Variants in ERMAP observed in about 807,000 individuals in gnomAD.
ERMAP encodes the protein erythroid membrane-associated protein.
ERMAP carries 34 observed loss-of-function variants against 49.5 expected under a neutral mutation model. That is an observed-to-expected ratio of 0.69 (90% confidence interval 0.52 to 0.91). The LOEUF is 0.91. Among genes scored for constraint, ERMAP ranks in the 40% least tolerant of loss-of-function variants. ERMAP has a pLI of 0.00. For missense variants in ERMAP, 541 were observed against 582.6 expected, an observed-to-expected ratio of 0.93 and a Z score of 0.74; for synonymous variants, 214 against 232.2, an observed-to-expected ratio of 0.92 and a Z score of 0.71.
intron 1 of ERMAP, among the ~76,000 whole-genome samples, chr1:42,821,004 T>G (rs1334099325): frequency 3.3e-5 from 5 of 152,212 alleles, no homozygotes; most frequent in Admixed American, 3.3e-4. Context: ...GAATCAGCTT[T>G]CTTCTTGCTG....
rs772463784 is a variant in ERMAP, at chr1:42,839,022, T to A, written c.637+101T>A. The A allele has an allele frequency of 8.2e-6, 13 of 1,593,252 alleles. No individual in the cohort carries two copies. The South Asian group carries it at 1.4e-4, about 18-fold the overall frequency. On this transcript the variant is annotated intron_variant, in intron 8 of 11. Transcript: ENST00000372517. ...ACTTCCTGGGGCAGAAGGGAGGGGG[T>A]ACTGGTAATTCAAGCCATGGGGACT... is the stretch of plus-strand genomic sequence containing the variant.
intron 1 of ERMAP, among the ~76,000 whole-genome samples, chr1:42,822,744 T>C (rs967215656): frequency 2.0e-5 from 3 of 152,178 alleles, no homozygotes; most frequent in Admixed American, 2.0e-4. Context: ...TTTTGTGTTA[T>C]TGAACAAATC....
chr1:42,835,773 T>G lies in ERMAP; in HGVS notation c.583+9T>G, dbSNP rs1654877592. ...ACATGTGACGGAGGTGGGTAAGTGT[T>G]CTTGGCTGGGGGGCAGGGGAGATGT... On this transcript the variant is annotated intron_variant, in intron 6 of 11. Coordinates refer to ENST00000372517, the MANE Select transcript of ERMAP (RefSeq NM_001017922.2). 6.2e-7 allele frequency: 1 copy of G among 1,607,978 alleles called. No individual in the cohort carries two copies. The highest frequency in any genetic ancestry group is 1.3e-5 in the African/African-American group (1 of 74,698).
Position 42,844,280 on chromosome 1 carries a change from T to C in ERMAP, c.*1048T>C. 2.5e-6 allele frequency: 1 copy of C among 396,422 alleles called. No homozygotes were observed. The highest frequency in any genetic ancestry group is 4.4e-6 in the Non-Finnish European group (1 of 225,160). The allele number at this position is 396,422 out of a possible 1,614,324, so 24.6% of individuals were successfully genotyped here. A position where few individuals can be genotyped will look rare whatever the true frequency, so the allele number is the denominator to read the frequency against. The stretch of plus-strand genomic sequence containing the variant: ...ATGACCTTGATTTTTGGGTGTGTAT[T>C]GCAGAAGCCTCGTCGCTTTCAAGTC... On this transcript the variant is annotated 3_prime_UTR_variant, in exon 12 of 12. Coordinates refer to ENST00000372517, the MANE Select transcript of ERMAP (RefSeq NM_001017922.2). This position sits in a 1 kb window ranked among gnomAD's most constrained non-coding sequence, Gnocchi z 4.0.
chr1:42,835,085 A>T lies in ERMAP; in HGVS notation c.481A>T (p.Ile161Phe). 1 of 1,589,042 alleles carries T rather than the reference A, an allele frequency of 6.3e-7. No homozygotes were observed. Among genetic ancestry groups the T allele is most frequent in the South Asian group, 1.1e-5 (1 of 90,582 alleles). Residue 161 changes from isoleucine to phenylalanine, a missense_variant, in exon 5 of 12, where the codon ATC becomes TTC. Ile to Phe is a conservative substitution (Grantham distance 21). Coordinates refer to ENST00000372517, the MANE Select transcript of ERMAP (RefSeq NM_001017922.2). ...CCCCTCAGCAGTGGCTCTGGCTGTGATCCTGCCTGTCCTGGTACTTCTCAT... is the reference window on the plus strand; with the variant it reads ...CCCCTCAGCAGTGGCTCTGGCTGTGTTCCTGCCTGTCCTGGTACTTCTCAT... ...LSPSAVALAV[I>F]LPVLVLLIMV...
chr1:42,821,000 G>C (rs1346875099), intron 1 of ERMAP, among the ~76,000 whole-genome samples: 2 of 152,198 alleles, frequency 1.3e-5, no homozygotes, highest in Non-Finnish European at 2.9e-5. Context: ...TTGAGAATCA[G>C]CTTTCTTCTT....
intron 4 of ERMAP, among the ~76,000 whole-genome samples, 185 bp downstream of exon 4, chr1:42,831,300 G>A (rs1016688578): frequency 1.2e-4 from 18 of 152,220 alleles, no homozygotes; most frequent in East Asian, 3.8e-4. Context: ...GCTGGCCTAG[G>A]CATTTCTGAT....
In ERMAP at chr1:42,825,601, T is replaced by C. The variant is rs1654518828; in HGVS notation, c.-121-22T>C. On this transcript the variant is annotated intron_variant, in intron 1 of 11. Coordinates refer to ENST00000372517, the MANE Select transcript of ERMAP (RefSeq NM_001017922.2). ...CTCTCATATTTCATAAAATATGAACTTTTCCCGGCCCACATCCCTAGGCCT... is the reference window on the plus strand; with the variant it reads ...CTCTCATATTTCATAAAATATGAACCTTTCCCGGCCCACATCCCTAGGCCT... 47 of 1,277,688 alleles carry C rather than the reference T, an allele frequency of 3.7e-5. 2 individuals carry two copies. In the South Asian group the frequency reaches 5.4e-4, roughly 15 times the overall value. 79.1% of individuals were successfully genotyped at this position (1,277,688 alleles called of 1,614,324 possible).
Position 42,835,069 on chromosome 1 carries a change from A to C in ERMAP, c.465A>C (p.Ala155=), listed in dbSNP as rs770947723. 2 of 1,550,170 alleles carry C rather than the reference A, an allele frequency of 1.3e-6. No individual in the cohort carries two copies. Among genetic ancestry groups the C allele is most frequent in the South Asian group, 2.2e-5 (2 of 89,804 alleles). The part of the protein sequence containing the change: ...APSVGSLSPS[A]VALAVILPVL... ...CTGTGGGGAGTCTCTCCCCCTCAGC[A>C]GTGGCTCTGGCTGTGATCCTGCCTG... The change falls in exon 5 of 12, where the codon GCA becomes GCC. Residue 155 remains alanine (A), a synonymous_variant. Coordinates refer to ENST00000372517, the MANE Select transcript of ERMAP (RefSeq NM_001017922.2).
At chr1:42,825,555 G>C (rs1654517467) in intron 1 of ERMAP, 68 bp from the exon 2 acceptor site, 2 of 1,224,584 alleles carry the variant, frequency 1.6e-6, no homozygotes, top group Non-Finnish European at 2.1e-6. Flanking sequence ...GGAGTTCTGT[G>C]GGGGCAGAGA....
rs1322634686 is a variant in ERMAP at position 42,835,740 on chromosome 1, C to T, written c.559C>T (p.Leu187Phe). 3 of 1,610,882 alleles carry T rather than the reference C, an allele frequency of 1.9e-6. No homozygotes were observed. The highest frequency in any genetic ancestry group is 1.3e-5 in the African/African-American group (1 of 74,822). ...WKQRRAKEKL[L>F]YEHVTEVDNL... is the part of the protein sequence containing the mutation. ...TTCTCTCTCCCTTTTAGAAAAGCTT[C>T]TCTATGAACATGTGACGGAGGTGGG... The change falls in exon 6 of 12, where the codon CTC becomes TTC. Residue 187 changes from leucine to phenylalanine, a missense_variant. Physicochemically the swap from Leu to Phe is conservative, Grantham distance 22. Coordinates refer to ENST00000372517, the MANE Select transcript of ERMAP (RefSeq NM_001017922.2).
At chr1:42,835,832 C>G (rs1654881171) in intron 6 of ERMAP, 68 bp downstream of exon 6, 1 of 1,554,526 alleles carries the variant, frequency 6.4e-7, no homozygotes. Context: ...CCCCCCATAC[C>G]CACTAACCTG....
Position 42,840,301 on chromosome 1 carries a change from G to C in ERMAP, c.712+5G>C. 1 of 1,614,086 alleles carries C rather than the reference G, an allele frequency of 6.2e-7. No homozygotes were observed. The highest frequency in any genetic ancestry group is 8.5e-7 in the Non-Finnish European group (1 of 1,180,000). ...GAAGAGCCCGGTTGCATTTTGGTAA[G>C]TTATACCAATCAAATAGGTCCATAT... On this transcript the variant is annotated splice_donor_5th_base_variant and intron_variant, in intron 11 of 11. Coordinates refer to ENST00000372517, the MANE Select transcript of ERMAP (RefSeq NM_001017922.2).
At position 42,830,429 on chromosome 1, in the gene ERMAP, C is replaced by G. The variant is rs776105993; in HGVS notation, c.-5-15C>G. ...CCATCAGCCCGCTTGTGCTGTCTCC[C>G]TCTGTCTGTCCTAGTTCGGATGGAG... On this transcript the variant is annotated splice_polypyrimidine_tract_variant and intron_variant, in intron 2 of 11. Transcript: ENST00000372517. 6 of 1,612,406 alleles carry G rather than the reference C, an allele frequency of 3.7e-6. No homozygotes were observed. The highest frequency in any genetic ancestry group is 3.3e-5 in the South Asian group (3 of 90,578).
chr1:42,840,333 G>C, intron 11 of ERMAP, 37 bp downstream of exon 11: 1 of 1,613,502 alleles, frequency 6.2e-7, no homozygotes, highest in South Asian at 1.1e-5. Context: ...ATATCTCAGA[G>C]CACTTCCTCC....
chr1:42,844,350 C>T lies in ERMAP; in HGVS notation c.*1118C>T, dbSNP rs1468206456. 2.1e-5 allele frequency: 8 copies of T among 381,770 alleles called. No individual in the cohort carries two copies. Among genetic ancestry groups the T allele is most frequent in the Non-Finnish European group, 3.2e-5 (7 of 216,092 alleles). 23.6% of individuals were successfully genotyped at this position (381,770 alleles called of 1,614,324 possible). A position where few individuals can be genotyped will look rare whatever the true frequency, so the allele number is the denominator to read the frequency against. On this transcript the variant is annotated 3_prime_UTR_variant, in exon 12 of 12. Coordinates refer to ENST00000372517, the MANE Select transcript of ERMAP (RefSeq NM_001017922.2). The surrounding 1 kb of genome is among the most constrained non-coding windows in gnomAD (Gnocchi z 4.0). ...GCCTAACCATGGAGATATTGGTTAT[C>T]AGTTTGCAGATGAATACACAGTTCT...
chr1:42,828,172 A>G (rs947593523), intron 2 of ERMAP, among the ~76,000 whole-genome samples: 3 of 151,434 alleles, frequency 2.0e-5, no homozygotes, highest in African/African-American at 4.9e-5. Flanking sequence ...GGAGGTCAGT[A>G]TGGTGACCAG....
intron 1 of ERMAP, among the ~76,000 whole-genome samples, chr1:42,821,460 C>T (rs756265172): frequency 3.3e-5 from 5 of 152,106 alleles, no homozygotes; most frequent in Non-Finnish European, 7.4e-5. Flanking sequence ...CTAAAAAGAA[C>T]ATTTCAGATA....
intron 4 of ERMAP, 31 bp from the exon 5 acceptor site, chr1:42,835,007 T>G: frequency 3.6e-5 from 32 of 883,140 alleles, no homozygotes; most frequent in Middle Eastern, 2.4e-4. Context: ...GACATCTCCC[T>G]GAGGTCAGTC....
Sources: allele counts gnomAD v4.1 joint callset (sites outside exome capture counted in the v4.1 genomes callset), GRCh38; gene constraint gnomAD v4.1.1; non-coding constraint Gnocchi (gnomAD v3.1); transcripts MANE v1.5; gene names NCBI Gene and HGNC (gene_info 2026-07-23, HGNC 2026-07-21).